The following TMEM161B variants were observed in gnomAD, a reference collection of about 807,000 sequenced individuals.
The protein encoded by TMEM161B is transmembrane protein 161B.
In TMEM161B, 34 loss-of-function variants were observed where a neutral mutation model predicts 61.8. The ratio of observed to expected loss-of-function variants is 0.55; its 90% CI spans 0.42 to 0.73. TMEM161B has a LOEUF of 0.73. Among genes scored for constraint, TMEM161B ranks in the 30% least tolerant of loss-of-function variants. The pLI is 0.00. For synonymous variants in TMEM161B, 167 were observed against 192.8 expected (o/e 0.87, Z 1.11); for missense variants, 456 against 558.5 (o/e 0.82, Z 1.85).
At chr5:88,198,908 C>A in intron 10 of TMEM161B, 68 bp downstream of exon 10, 1 of 1,301,688 alleles carries the variant, frequency 7.7e-7, no homozygotes, top group Non-Finnish European at 1.1e-6. Context: ...CTAAAGGAAA[C>A]CAATTTTTTT....
chr5:88,241,941 G>C (rs189188925), intron 1 of TMEM161B, among the ~76,000 whole-genome samples: 18 of 151,804 alleles, frequency 1.2e-4, no homozygotes, highest in African/African-American at 4.3e-4. Flanking sequence ...AGAAATAATA[G>C]AGCATCTTCT....
downstream of TMEM161B, among the ~76,000 whole-genome samples, chr5:88,186,294 G>A (rs903632961): frequency 3.3e-5 from 5 of 152,124 alleles, no homozygotes; most frequent in African/African-American, 9.7e-5. Flanking sequence ...CTTTCCTCAG[G>A]AGGAAAAACT....
intron 3 of TMEM161B, 31 bp from the exon 4 acceptor site, chr5:88,225,897 C>A: frequency 7.1e-7 from 1 of 1,409,938 alleles, no homozygotes. Flanking sequence ...ACACAAAAAA[C>A]AAGTTACCTA....
chr5:88,224,380 T>C (rs1247536430), intron 4 of TMEM161B, among the ~76,000 whole-genome samples: 2 of 152,198 alleles, frequency 1.3e-5, no homozygotes, highest in Non-Finnish European at 2.9e-5. Flanking sequence ...TGTTTTAAAT[T>C]GTTATCAACT....
chr5:88,235,145 A>T (rs1751631477), intron 2 of TMEM161B, among the ~76,000 whole-genome samples: 1 of 152,214 alleles, frequency 6.6e-6, no homozygotes, highest in South Asian at 2.1e-4. Flanking sequence ...AACACTGAAA[A>T]AATATGTAGC....
At chr5:88,229,367 C>T (rs937676973) in intron 2 of TMEM161B, among the ~76,000 whole-genome samples, 1 of 152,132 alleles carries the variant, frequency 6.6e-6, no homozygotes, top group African/African-American at 2.4e-5. Flanking sequence ...TAGTTCAGAC[C>T]TTAGTTCAGT....
At chr5:88,191,845 TACTC>T (rs1167092292), downstream of TMEM161B, among the ~76,000 whole-genome samples, 2 of 148,040 alleles carry the variant, frequency 1.4e-5, no homozygotes, top group Non-Finnish European at 3.0e-5. Flanking sequence ...TAGTCCCAGT[TACTC>T]AGGAGGCTGA....
chr5:88,256,620 AC>A (rs1390741751), intron 1 of TMEM161B, among the ~76,000 whole-genome samples: 1 of 152,188 alleles, frequency 6.6e-6, no homozygotes, highest in African/African-American at 2.4e-5. Context: ...CTCCAAAATA[AC>A]CTGTATCATG....
At chr5:88,198,649 T>A (rs1375779389) in intron 10 of TMEM161B, 3 of 184,328 alleles carry the variant, frequency 1.6e-5, no homozygotes, top group Admixed American at 6.1e-5. Flanking sequence ...TATTTCCTAC[T>A]CTTTAAGTCT....
rs924435846 is a variant in TMEM161B, at chr5:88,228,543, A to G, written c.108-15T>C. The G allele has an allele frequency of 2.6e-6, 4 of 1,544,840 alleles. No individual in the cohort carries two copies. The highest frequency in any genetic ancestry group is 3.5e-6 in the Non-Finnish European group (4 of 1,140,130). ...ACCACCTCAAACTAAGCAAAAAAAGAATTCTTTTAAATAAAGCGCTTAAAA... is the reference window on the plus strand; with the variant it reads ...ACCACCTCAAACTAAGCAAAAAAAGGATTCTTTTAAATAAAGCGCTTAAAA... On this transcript the variant is annotated splice_polypyrimidine_tract_variant and intron_variant, in intron 2 of 11. Coordinates refer to ENST00000296595, the MANE Select transcript of TMEM161B (RefSeq NM_153354.5).
intron 7 of TMEM161B, 155 bp downstream of exon 7, chr5:88,206,284 T>C (rs935807965): frequency 1.1e-5 from 7 of 657,110 alleles, no homozygotes; most frequent in African/African-American, 9.2e-5. Flanking sequence ...ACTAACTTTA[T>C]ATAGTCATAA....
rs372375545 is a variant in TMEM161B at position 88,265,281 on chromosome 5, C to G, written c.3+3440G>C. Among the ~76,000 whole-genome samples, 55 of 152,254 alleles carry G rather than the reference C, an allele frequency of 3.6e-4. No homozygotes were observed. In the South Asian group the frequency reaches 0.01, roughly 28 times the overall value. ...GTCACCTACTACAGCAGTCCCCAAC[C>G]TTTTTGGCCCCAGGGACTGGTTTCA... On this transcript the variant is annotated intron_variant, in intron 1 of 11. Transcript: ENST00000296595.
At chr5:88,211,166 T>C (rs1213088682) in intron 5 of TMEM161B, among the ~76,000 whole-genome samples, 1 of 151,288 alleles carries the variant, frequency 6.6e-6, no homozygotes, top group East Asian at 1.9e-4. Context: ...AAATACGAGC[T>C]AAAATCTGCA....
chr5:88,240,576 T>C (rs1477415193), intron 2 of TMEM161B, among the ~76,000 whole-genome samples: 4 of 151,694 alleles, frequency 2.6e-5, no homozygotes, highest in East Asian at 1.9e-4. Context: ...TCCCAGAACT[T>C]TGGGAAGCCA....
Position 88,268,833 on chromosome 5 carries a change from G to A in TMEM161B, c.-110C>T, listed in dbSNP as rs1756788220. On this transcript the variant is annotated 5_prime_UTR_variant, in exon 1 of 12. Transcript: ENST00000296595. ...AGACTCTCAAACAGCGAAAGAGAGG[G>A]TCTTCCGGCTCTGCCGGAAGTTGTG... 4 of 1,572,994 alleles carry A rather than the reference G, an allele frequency of 2.5e-6. No homozygotes were observed. The South Asian group carries it at 3.4e-5, about 13-fold the overall frequency.
chr5:88,257,103 T>A (rs1265705037), intron 1 of TMEM161B, among the ~76,000 whole-genome samples: 1 of 152,102 alleles, frequency 6.6e-6, no homozygotes, highest in Non-Finnish European at 1.5e-5. Context: ...ACCTCCTCAC[T>A]AGTAAAAATA....
chr5:88,223,541 T>A (rs1749408015), intron 4 of TMEM161B, among the ~76,000 whole-genome samples: 1 of 152,104 alleles, frequency 6.6e-6, no homozygotes, highest in African/African-American at 2.4e-5. Context: ...ATGTTTTAAA[T>A]GTTGAATGTA....
chr5:88,211,471 A>C (rs1037069182), intron 5 of TMEM161B, among the ~76,000 whole-genome samples: 1 of 151,992 alleles, frequency 6.6e-6, no homozygotes, highest in African/African-American at 2.4e-5. Context: ...AATGAAAAGT[A>C]AGACAAGACC....
chr5:88,228,678 T>A, intron 2 of TMEM161B, 150 bp from the exon 3 acceptor site: 1 of 634,630 alleles, frequency 1.6e-6, no homozygotes, highest in Non-Finnish European at 2.6e-6. Context: ...TACTAACTCT[T>A]AAACTTTAAA....
Sources: allele counts gnomAD v4.1 joint callset (sites outside exome capture counted in the v4.1 genomes callset), GRCh38; gene constraint gnomAD v4.1.1; transcripts MANE v1.5; gene names NCBI Gene and HGNC (gene_info 2026-07-23, HGNC 2026-07-21).